Variants in DNAH6 observed in about 807,000 individuals in gnomAD.
DNAH6 encodes axonemal beta dynein heavy chain 6.
A neutral mutation model predicts 491.4 loss-of-function variants in DNAH6; 340 were observed. The ratio of observed to expected loss-of-function variants is 0.69; its 90% CI spans 0.63 to 0.76. The LOEUF (loss-of-function observed/expected upper bound fraction) is 0.76. DNAH6 is among the 30% of genes least tolerant of loss of function. The probability of loss-of-function intolerance (pLI) is 0.00; values close to 1 mark genes in which losing one functional copy is unlikely to be tolerated. For synonymous variants in DNAH6, 1,603 were observed against 1,686.1 expected, an observed-to-expected ratio of 0.95 and a Z score of 1.21; for missense variants, 4,443 against 4,972.2, an observed-to-expected ratio of 0.89 and a Z score of 3.20.
intron 6 of DNAH6, 34 bp from the exon 7 acceptor site, chr2:84,547,458 G>T (rs1257679866): frequency 1.3e-6 from 2 of 1,551,522 alleles, no homozygotes; most frequent in Middle Eastern, 3.3e-4. Flanking sequence ...TGATACTTCA[G>T]TATCACTAAC....
At chr2:84,553,083 T>A in intron 10 of DNAH6, 49 bp downstream of exon 10, 1 of 1,116,572 alleles carries the variant, frequency 9.0e-7, no homozygotes. Context: ...ATTTGGAAAA[T>A]GAAGCAGCTG....
In DNAH6 at chr2:84,813,199, C is replaced by CT; in HGVS notation, c.11998+70dup. On this transcript the variant is annotated intron_variant, in intron 74 of 76. Coordinates refer to ENST00000389394, the MANE Select transcript of DNAH6 (RefSeq NM_001370.2). ...TTCTCATACACAGGGTTTTGAGGTG[C>CT]TGGGGAAATGACATGGCTGCTAATG... is the stretch of plus-strand genomic sequence containing the variant. 5.2e-6 allele frequency: 6 copies of CT among 1,150,062 alleles called. 1 individual carries two copies. In the South Asian group the frequency reaches 8.0e-5, roughly 15 times the overall value. The allele number at this position is 1,150,062 out of a possible 1,614,324, so 71.2% of individuals were successfully genotyped here.
At chr2:84,627,928 A>T (rs1688031341) in intron 29 of DNAH6, among the ~76,000 whole-genome samples, 1 of 152,200 alleles carries the variant, frequency 6.6e-6, no homozygotes, top group Non-Finnish European at 1.5e-5. Flanking sequence ...GGTTACTGAG[A>T]TAGTGGGATA....
Position 84,531,686 on chromosome 2 carries a change from G to A in DNAH6, c.662+2520G>A, listed in dbSNP as rs1021153174. Among the ~76,000 whole-genome samples, 5 of 152,050 alleles carry A rather than the reference G, an allele frequency of 3.3e-5. 1 individual carries two copies. In the East Asian group the frequency reaches 7.7e-4, roughly 23 times the overall value. ...CAGGGAAAAATACATGTTTGGGTTCGGATACATTAATTTTGGGATGTCAAA... is the reference window on the plus strand; with the variant it reads ...CAGGGAAAAATACATGTTTGGGTTCAGATACATTAATTTTGGGATGTCAAA... On this transcript the variant is annotated intron_variant, in intron 4 of 76. Transcript: ENST00000389394.
chr2:84,573,322 C>G, intron 11 of DNAH6, 145 bp from the exon 12 acceptor site: 1 of 575,366 alleles, frequency 1.7e-6, no homozygotes, highest in Non-Finnish European at 2.9e-6. Context: ...AAGAATATAT[C>G]TTTCTTCATT....
Position 84,544,440 on chromosome 2 carries a change from C to G in DNAH6, c.870C>G (p.Arg290=). 6.5e-7 allele frequency: 1 copy of G among 1,536,424 alleles called. No individual in the cohort carries two copies. Among genetic ancestry groups the G allele is most frequent in the Non-Finnish European group, 8.8e-7 (1 of 1,133,310 alleles). The change falls in exon 5 of 77, where the codon CGC becomes CGG. Residue 290 remains arginine, a synonymous_variant. Transcript: ENST00000389394. ...TTAGTGTATGGAGGAAGAATGTCCG[C>G]TCCAAGAAAATCACTGGATGTCAAA... ...KAFSVWRKNV[R]SKKITGCQKS...
At chr2:84,724,516 C>T (rs557753869) in intron 60 of DNAH6, among the ~76,000 whole-genome samples, 1 of 152,368 alleles carries the variant, frequency 6.6e-6, no homozygotes, top group Admixed American at 6.5e-5. Flanking sequence ...CCAAGACTAA[C>T]TGGATGCTTT....
In DNAH6 at chr2:84,619,717, A is replaced by G; in HGVS notation, c.3605A>G (p.Glu1202Gly). Residue 1202 changes from glutamate (E) to glycine (G), a missense_variant, in exon 24 of 77, where the codon GAG (glutamate) becomes GGG (glycine). Glu to Gly is a moderately conservative substitution (Grantham distance 98). Coordinates refer to ENST00000389394, the MANE Select transcript of DNAH6 (RefSeq NM_001370.2). ...TTCTTGTCAAATGATGAACTTCTGG[A>G]GATTTTGGCCCAGACACGAAATCCA... ...FYFLSNDELLEILAQTRNPQA... is the reference protein window; with the variant it reads ...FYFLSNDELLGILAQTRNPQA... 1 of 1,551,566 alleles carries G rather than the reference A, an allele frequency of 6.4e-7. No individual in the cohort carries two copies. The highest frequency in any genetic ancestry group is 8.7e-7 in the Non-Finnish European group (1 of 1,146,810).
At chr2:84,471,267 T>G in the DNAH6 span, among the ~76,000 whole-genome samples, 4 of 152,246 alleles carry the variant, frequency 2.6e-5, no homozygotes, top group African/African-American at 9.6e-5. Context: ...TGTGGCCTCT[T>G]TTAACTGAGC....
chr2:84,487,936 T>C, the DNAH6 span, among the ~76,000 whole-genome samples: 1 of 151,768 alleles, frequency 6.6e-6, no homozygotes, highest in African/African-American at 2.4e-5. Context: ...ATCTAGGACA[T>C]CCTGACACAG....
At chr2:84,596,505 T>G (rs927081891) in intron 18 of DNAH6, among the ~76,000 whole-genome samples, 1 of 151,900 alleles carries the variant, frequency 6.6e-6, no homozygotes, top group Non-Finnish European at 1.5e-5. Context: ...TTTTTTGTGT[T>G]TTTTCAGTAG....
chr2:84,499,092 A>G, the DNAH6 span, among the ~76,000 whole-genome samples: 1 of 152,172 alleles, frequency 6.6e-6, no homozygotes, highest in Non-Finnish European at 1.5e-5. Flanking sequence ...TTAAGTTATT[A>G]CTGATTATAG....
At chr2:84,784,688 T>C (rs745996885) in intron 65 of DNAH6, 34 bp from the exon 66 acceptor site, 1 of 1,386,228 alleles carries the variant, frequency 7.2e-7, no homozygotes, top group South Asian at 1.3e-5. Flanking sequence ...CTAAACATTT[T>C]CCTTTTTTGT....
In DNAH6 at chr2:84,653,413, A is replaced by C; in HGVS notation, c.5173A>C (p.Asn1725His). 1 of 1,551,116 alleles carries C rather than the reference A, an allele frequency of 6.4e-7. No individual in the cohort carries two copies. The highest frequency in any genetic ancestry group is 8.7e-7 in the Non-Finnish European group (1 of 1,146,604). Residue 1725 changes from asparagine to histidine, a missense_variant, in exon 34 of 77, where the codon AAT becomes CAT. Asn to His is a moderately conservative substitution (Grantham distance 68). Coordinates refer to ENST00000389394, the MANE Select transcript of DNAH6 (RefSeq NM_001370.2). The stretch of plus-strand genomic sequence containing the variant: ...AATTGTGGATGTCATGAATAGACAA[A>C]ATCTTCAGCCTGAGATGTGTATGGT... Reference protein sequence around the residue: ...STIVDVMNRQNLQPEMCMVRK... With the variant: ...STIVDVMNRQHLQPEMCMVRK...
chr2:84,699,768 T>C (rs770690072), intron 48 of DNAH6, 34 bp downstream of exon 48: 6 of 1,543,844 alleles, frequency 3.9e-6, no homozygotes, highest in East Asian at 4.9e-5. Context: ...CTTTGAGAAG[T>C]TGGACTTGCT....
chr2:84,601,014 T>TAATAATAACGTTATTATTATAG (rs1558778663), intron 18 of DNAH6, among the ~76,000 whole-genome samples: 23 of 133,402 alleles, frequency 1.7e-4, no homozygotes, highest in African/African-American at 7.9e-4. Context: ...TATAATAATA[T>TAATAATAACGTTATTATTATAG]TATAATAATA....
chr2:84,460,501 T>C, the DNAH6 span, among the ~76,000 whole-genome samples: 1 of 152,278 alleles, frequency 6.6e-6, no homozygotes, highest in Non-Finnish European at 1.5e-5. Flanking sequence ...TAGTTTCATT[T>C]AATTGATAAA....
the DNAH6 span, among the ~76,000 whole-genome samples, chr2:84,501,593 G>A: frequency 3.0e-5 from 1 of 33,540 alleles, no homozygotes; most frequent in African/African-American, 1.2e-4. Flanking sequence ...AATAGTTTGA[G>A]TAGGATTGGG....
chr2:84,606,023 C>G (rs1232814134), intron 20 of DNAH6, among the ~76,000 whole-genome samples: 2 of 152,080 alleles, frequency 1.3e-5, no homozygotes, highest in African/African-American at 4.8e-5. Flanking sequence ...TTATAGCACA[C>G]GAAAAGGCTA....
Sources: allele counts gnomAD v4.1 joint callset (sites outside exome capture counted in the v4.1 genomes callset), GRCh38; gene constraint gnomAD v4.1.1; transcripts MANE v1.5; gene names NCBI Gene and HGNC (gene_info 2026-07-23, HGNC 2026-07-21).